LANCL1: variants seen among roughly 807,000 people sequenced by gnomAD.
LANCL1 encodes glutathione S-transferase LANCL1.
In LANCL1, 50 loss-of-function variants were observed where a neutral mutation model predicts 50.6. The ratio of observed to expected loss-of-function variants is 0.99; its 90% CI spans 0.79 to 1.25. The LOEUF is 1.25. LANCL1 is among the 50% of genes most tolerant of loss of function. The probability of loss-of-function intolerance (pLI) is 0.00; values close to 1 mark genes in which losing one functional copy is unlikely to be tolerated. For synonymous variants in LANCL1, 188 were observed against 178.6 expected, an observed-to-expected ratio of 1.05 and a Z score of -0.42; for missense variants, 532 against 480.7, an observed-to-expected ratio of 1.11 and a Z score of -1.00.
chr2:210,439,708 T>C (rs958334346), intron 6 of LANCL1, among the ~76,000 whole-genome samples: 4 of 152,178 alleles, frequency 2.6e-5, no homozygotes, highest in Non-Finnish European at 5.9e-5. Context: ...AGTTCTGTTG[T>C]CCTTGTTTAT....
At chr2:210,464,479 T>C (rs960189941) in intron 3 of LANCL1, among the ~76,000 whole-genome samples, 6 of 151,862 alleles carry the variant, frequency 4.0e-5, no homozygotes. Context: ...AATATATATA[T>C]ATAGTGGAAA....
At chr2:210,468,780 G>A (rs1325326204) in intron 3 of LANCL1, 1 of 152,298 alleles carries the variant, frequency 6.6e-6, no homozygotes, top group East Asian at 1.9e-4. Flanking sequence ...AAAGGAAGGA[G>A]CTGGGGTTCC....
intron 4 of LANCL1, among the ~76,000 whole-genome samples, chr2:210,454,219 TACAC>T (rs3836055): frequency 0.17 from 24,671 of 147,248 alleles, 2,356 homozygotes; most frequent in Middle Eastern, 0.25. Flanking sequence ...TATGCATACA[TACAC>T]ACACACACAC....
intron 3 of LANCL1, among the ~76,000 whole-genome samples, chr2:210,471,078 T>C (rs1427921793): frequency 1.4e-5 from 2 of 145,030 alleles, no homozygotes; most frequent in Non-Finnish European, 3.0e-5. Context: ...GATGGAGTCT[T>C]GCTCCATCAC....
intron 3 of LANCL1, among the ~76,000 whole-genome samples, chr2:210,458,295 A>C (rs1180764798): frequency 6.6e-6 from 1 of 152,192 alleles, no homozygotes; most frequent in East Asian, 1.9e-4. Flanking sequence ...GGTAGGCCTA[A>C]TCCTAAGGAA....
At chr2:210,472,175 G>A (rs977142627) in intron 2 of LANCL1, 99 bp from the exon 3 acceptor site, 4 of 782,652 alleles carry the variant, frequency 5.1e-6, no homozygotes, top group South Asian at 1.6e-5. Context: ...TTTCCACTTA[G>A]GACATATTTT....
rs942396595 is a variant in LANCL1 at position 210,433,695 on chromosome 2, T to C, written c.*792A>G. On this transcript the variant is annotated 3_prime_UTR_variant, in exon 10 of 10. Coordinates refer to ENST00000450366, the MANE Select transcript of LANCL1 (RefSeq NM_006055.3). ...TTATTTGAATACTGAAAAACACACATATTTAAATAAAGAGTTCCAAAAAAC... is the reference window on the plus strand; with the variant it reads ...TTATTTGAATACTGAAAAACACACACATTTAAATAAAGAGTTCCAAAAAAC... The C allele has an allele frequency of 2.0e-5, 3 of 152,018 alleles. No individual in the cohort carries two copies. The highest frequency in any genetic ancestry group is 2.9e-5 in the Non-Finnish European group (2 of 68,036). 9.4% of individuals were successfully genotyped at this position (152,018 alleles called of 1,614,324 possible). A position where few individuals can be genotyped will look rare whatever the true frequency, so the allele number is the denominator to read the frequency against.
intron 3 of LANCL1, among the ~76,000 whole-genome samples, chr2:210,458,840 C>T (rs988529465): frequency 2.6e-5 from 4 of 152,156 alleles, no homozygotes; most frequent in Admixed American, 2.6e-4. Flanking sequence ...TTTCTACTGA[C>T]TTCTAACATA....
intron 4 of LANCL1, among the ~76,000 whole-genome samples, chr2:210,449,059 T>C (rs1016345586): frequency 6.6e-6 from 1 of 151,932 alleles, no homozygotes; most frequent in African/African-American, 2.4e-5. Flanking sequence ...AAAAAGAAAA[T>C]TTCAGGCCAA....
At position 210,437,774 on chromosome 2, in the gene LANCL1, T is replaced by G; in HGVS notation, c.789A>C (p.Pro263=). ...QLKFPSGNYP[P]CIGDNRDLLV... is the part of the protein sequence containing the mutation. ...GCAGATCTCGATTATCACCTATACA[T>G]GGAGGGTAATTGCCAGAAGGGAATT... Residue 263 remains proline (P), a synonymous_variant, in exon 7 of 10, where the codon CCA becomes CCC. Transcript: ENST00000450366. The G allele has an allele frequency of 6.2e-7, 1 of 1,613,390 alleles. No homozygotes were observed. The highest frequency in any genetic ancestry group is 1.3e-5 in the African/African-American group (1 of 75,024).
intron 3 of LANCL1, among the ~76,000 whole-genome samples, chr2:210,470,322 G>T (rs1179945668): frequency 1.3e-5 from 2 of 151,830 alleles, no homozygotes; most frequent in Non-Finnish European, 2.9e-5. Flanking sequence ...ACAATAAAAT[G>T]GTCCAACATT....
chr2:210,443,903 A>G (rs1693228258), intron 4 of LANCL1, among the ~76,000 whole-genome samples: 1 of 152,224 alleles, frequency 6.6e-6, no homozygotes, highest in Admixed American at 6.5e-5. Flanking sequence ...TGAGTGGTAA[A>G]GATGGGCTGG....
intron 4 of LANCL1, among the ~76,000 whole-genome samples, chr2:210,443,124 C>G (rs1367140672): frequency 6.6e-6 from 1 of 152,158 alleles, no homozygotes; most frequent in African/African-American, 2.4e-5. Flanking sequence ...AAAGCCCCAC[C>G]CTTTTCATCA....
rs1692820147 is a variant in LANCL1, at chr2:210,433,596, T to TC, written c.*890_*891insG. 1 of 152,146 alleles carries TC rather than the reference T, an allele frequency of 6.6e-6. No individual in the cohort carries two copies. The highest frequency in any genetic ancestry group is 2.4e-5 in the African/African-American group (1 of 41,436). The allele number at this position is 152,146 out of a possible 1,614,324, so 9.4% of individuals were successfully genotyped here. ...TCACTGTAAAAACCCAAGTTAAAGT[T>TC]TAGAAAGTCAGTCAGAGTGGACTGA... On this transcript the variant is annotated 3_prime_UTR_variant, in exon 10 of 10. Transcript: ENST00000450366.
At chr2:210,471,730 C>G in intron 3 of LANCL1, 1 of 728,626 alleles carries the variant, frequency 1.4e-6, no homozygotes, top group South Asian at 1.4e-5. Context: ...AAATGTCAGG[C>G]ATGAATTACA....
intron 3 of LANCL1, among the ~76,000 whole-genome samples, chr2:210,470,372 A>G (rs892393366): frequency 2.0e-5 from 3 of 152,142 alleles, no homozygotes; most frequent in Non-Finnish European, 2.9e-5. Flanking sequence ...TTGACTTTAA[A>G]AGTCCCTGAG....
chr2:210,471,998 C>G lies in LANCL1; in HGVS notation c.160G>C (p.Ala54Pro). The change falls in exon 3 of 10, where the codon GCA becomes CCA. Residue 54 changes from alanine to proline, a missense_variant. Coordinates refer to ENST00000450366, the MANE Select transcript of LANCL1 (RefSeq NM_006055.3). The part of the protein sequence containing the change: ...LQQMERGLKS[A>P]DPRDGTGYTG... Reference sequence around the variant, plus strand: ...TAACCGGTGCCATCCCGAGGGTCTGCTGATTTCAGGCCTCTCTCCATTTGC... The same window carrying G: ...TAACCGGTGCCATCCCGAGGGTCTGGTGATTTCAGGCCTCTCTCCATTTGC... The G allele has an allele frequency of 1.9e-6, 3 of 1,614,172 alleles. No homozygotes were observed. The highest frequency in any genetic ancestry group is 2.5e-6 in the Non-Finnish European group (3 of 1,180,000).
At chr2:210,475,061 C>T (rs1366566736) in intron 2 of LANCL1, among the ~76,000 whole-genome samples, 1 of 152,166 alleles carries the variant, frequency 6.6e-6, no homozygotes, top group Admixed American at 6.5e-5. Flanking sequence ...ACTCCATATA[C>T]ATTTTGGTAG....
intron 3 of LANCL1, among the ~76,000 whole-genome samples, chr2:210,466,764 G>C (rs902503928): frequency 3.9e-5 from 6 of 152,182 alleles, no homozygotes; most frequent in Non-Finnish European, 7.3e-5. Flanking sequence ...ACCAGATAGA[G>C]AGAACATCAT....
Sources: gnomAD v4.1 joint callset for allele counts (sites outside exome capture counted in the v4.1 genomes callset) on GRCh38, gnomAD v4.1.1 for gene constraint, MANE v1.5 for transcripts, NCBI Gene and HGNC (gene_info 2026-07-23, HGNC 2026-07-21) for gene names.